The following MYO10 variants were observed in gnomAD, a reference collection of about 807,000 sequenced individuals.
The protein encoded by MYO10 is unconventional myosin-X.
MYO10 carries 133 observed loss-of-function variants against 257.3 expected under a neutral mutation model. The observed-to-expected ratio is 0.52, with a 90% CI of 0.45 to 0.60. The LOEUF is 0.60. MYO10 is among the 20% of genes least tolerant of loss of function. The pLI, the probability that MYO10 is intolerant of heterozygous loss-of-function variation, is 0.00. For missense variants in MYO10, 2,399 were observed against 2,635.7 expected (o/e 0.91, Z 1.97); for synonymous variants, 1,104 against 1,028.6 (o/e 1.07, Z -1.40).
intron 4 of MYO10, among the ~76,000 whole-genome samples, chr5:16,789,885 C>G (rs1350293955): frequency 1.3e-5 from 2 of 152,144 alleles, no homozygotes; most frequent in Admixed American, 1.3e-4. Context: ...GCAAGCCAAC[C>G]AAACAGTTCT....
At chr5:16,764,836 G>A (rs1201259470) in intron 11 of MYO10, among the ~76,000 whole-genome samples, 1 of 152,056 alleles carries the variant, frequency 6.6e-6, no homozygotes, top group Non-Finnish European at 1.5e-5. Context: ...TTACAGGCAT[G>A]TGCCACCACA....
chr5:16,801,046 A>G, intron 3 of MYO10, among the ~76,000 whole-genome samples: 1 of 152,190 alleles, frequency 6.6e-6, no homozygotes, highest in East Asian at 1.9e-4. Context: ...TGCCTGCCTC[A>G]GATGTGTGAC....
In MYO10 at chr5:16,696,269, A is replaced by G. The variant is rs376960947; in HGVS notation, c.3557-1655T>C. Among the ~76,000 whole-genome samples, 79 of 152,320 alleles carry G rather than the reference A, an allele frequency of 5.2e-4. No individual in the cohort carries two copies. In the South Asian group the frequency reaches 0.016, roughly 30 times the overall value. On this transcript the variant is annotated intron_variant, in intron 26 of 40. Coordinates refer to ENST00000513610, the MANE Select transcript of MYO10 (RefSeq NM_012334.3). ...ATCATTTAGAGAATCACTTAATGCTATAATTTCCTAATTGCAAACATCTTT... is the reference window on the plus strand; with the variant it reads ...ATCATTTAGAGAATCACTTAATGCTGTAATTTCCTAATTGCAAACATCTTT...
intron 3 of MYO10, among the ~76,000 whole-genome samples, chr5:16,805,182 G>A (rs1376608741): frequency 6.6e-6 from 1 of 152,076 alleles, no homozygotes; most frequent in Non-Finnish European, 1.5e-5. Context: ...AGAAATTCTG[G>A]CTGGGTGCAG....
chr5:16,774,611 CG>C (rs1741161169), intron 9 of MYO10, among the ~76,000 whole-genome samples: 2 of 151,914 alleles, frequency 1.3e-5, no homozygotes, highest in South Asian at 2.1e-4. Flanking sequence ...TTAGTAGAGA[CG>C]GGGTTTCACT....
intron 1 of MYO10, among the ~76,000 whole-genome samples, chr5:16,923,324 G>T (rs968404131): frequency 6.7e-6 from 1 of 148,244 alleles, no homozygotes; most frequent in East Asian, 2.0e-4. Flanking sequence ...ATCTCGCTCC[G>T]TCGCCCAGGT....
At chr5:16,892,796 G>A (rs961120769) in intron 1 of MYO10, among the ~76,000 whole-genome samples, 1 of 152,126 alleles carries the variant, frequency 6.6e-6, no homozygotes, top group African/African-American at 2.4e-5. Context: ...TCAAGGCCTT[G>A]CTACAGAACC....
intron 1 of MYO10, chr5:16,902,397 T>G: frequency 7.9e-7 from 1 of 1,258,960 alleles, no homozygotes. Flanking sequence ...CCTGACTACT[T>G]TGCTGAGAAC....
chr5:16,930,488 A>C lies in MYO10; in HGVS notation c.21+5300T>G, dbSNP rs141451250. ...AAATCTGCCAGAAATGTACAGGCTG[A>C]AAAAGAGAAAACAAATAAATGCAAC... On this transcript the variant is annotated intron_variant, in intron 1 of 40. Transcript: ENST00000513610. 4.3e-3 allele frequency among the ~76,000 whole-genome samples: 648 copies of C among 152,346 alleles called. 9 individuals are homozygous for C. The highest frequency in any genetic ancestry group is 0.015 in the African/African-American group (621 of 41,580).
chr5:16,809,269 A>G (rs1252872650), intron 3 of MYO10, among the ~76,000 whole-genome samples: 2 of 152,104 alleles, frequency 1.3e-5, no homozygotes, highest in African/African-American at 2.4e-5. Flanking sequence ...GGGCACCCCA[A>G]TGCCAAGGCA....
intron 19 of MYO10, among the ~76,000 whole-genome samples, chr5:16,746,034 A>G (rs1177795491): frequency 6.6e-6 from 1 of 152,214 alleles, no homozygotes; most frequent in South Asian, 2.1e-4. Context: ...AAGTAAAGGA[A>G]TAAAAGAATG....
At chr5:16,853,489 C>T (rs749348858) in intron 2 of MYO10, among the ~76,000 whole-genome samples, 1 of 152,152 alleles carries the variant, frequency 6.6e-6, no homozygotes, top group African/African-American at 2.4e-5. Flanking sequence ...GTCAAAGCCA[C>T]CTGCAGTGGT....
chr5:16,827,799 T>C (rs1166955642), intron 2 of MYO10, among the ~76,000 whole-genome samples: 1 of 152,174 alleles, frequency 6.6e-6, no homozygotes, highest in East Asian at 1.9e-4. Flanking sequence ...GTTTATTAAG[T>C]GCCAGCTGCA....
At chr5:16,667,235 C>A (rs1318967479) in intron 40 of MYO10, among the ~76,000 whole-genome samples, 1 of 152,174 alleles carries the variant, frequency 6.6e-6, no homozygotes, top group Non-Finnish European at 1.5e-5. Context: ...AACAAGATAA[C>A]TGAGGCCCCA....
chr5:16,687,454 C>T (rs1199772075), intron 28 of MYO10, among the ~76,000 whole-genome samples: 7 of 150,912 alleles, frequency 4.6e-5, no homozygotes, highest in Non-Finnish European at 7.4e-5. Flanking sequence ...AAAATGTGAG[C>T]GCTATCAAAT....
chr5:16,774,984 G>A (rs927905068), intron 9 of MYO10, among the ~76,000 whole-genome samples: 3 of 94,736 alleles, frequency 3.2e-5, no homozygotes, highest in African/African-American at 1.1e-4. Context: ...CCCCAGCCCT[G>A]CTCAGTGCCA....
intron 1 of MYO10, among the ~76,000 whole-genome samples, chr5:16,895,910 C>T (rs551679305): frequency 6.6e-5 from 10 of 152,266 alleles, no homozygotes; most frequent in South Asian, 6.2e-4. Context: ...GGGGCCCTGC[C>T]GCACAGCAGG....
intron 35 of MYO10, 23 bp from the exon 36 acceptor site, chr5:16,673,912 T>TA (rs748169385): frequency 6.2e-7 from 1 of 1,608,238 alleles, no homozygotes; most frequent in Non-Finnish European, 8.5e-7. Context: ...CACTAACTGT[T>TA]AATTTTTAGA....
intron 19 of MYO10, among the ~76,000 whole-genome samples, chr5:16,715,392 A>ATTTTTTTTTTTTTTTTTTTT (rs372307063): frequency 2.4e-5 from 2 of 84,338 alleles, no homozygotes; most frequent in Non-Finnish European, 4.2e-5. Flanking sequence ...TAAGATTGAA[A>ATTTTTTTTTTTTTTTTTTTT]TTTTTTTTTT....
Sources: gnomAD v4.1 joint callset for allele counts (sites outside exome capture counted in the v4.1 genomes callset) on GRCh38, gnomAD v4.1.1 for gene constraint, MANE v1.5 for transcripts, NCBI Gene and HGNC (gene_info 2026-07-23, HGNC 2026-07-21) for gene names.